CPS1: variants seen among roughly 807,000 people sequenced by gnomAD.
CPS1 encodes the protein carbamoyl-phosphate synthase 1.
A neutral mutation model predicts 174.6 loss-of-function variants in CPS1; 109 were observed. The ratio of observed to expected loss-of-function variants is 0.62; its 90% CI spans 0.53 to 0.73. The LOEUF (loss-of-function observed/expected upper bound fraction) is 0.73. Among genes scored for constraint, CPS1 ranks in the 30% least tolerant of loss-of-function variants. The probability of loss-of-function intolerance (pLI) is 0.00; values close to 1 mark genes in which losing one functional copy is unlikely to be tolerated. For missense variants in CPS1, 1,689 were observed against 1,821.9 expected (o/e 0.93, Z 1.33); for synonymous variants, 637 against 632.0 (o/e 1.01, Z -0.12).
chr2:210,648,196 G>A, intron 26 of CPS1, 139 bp downstream of exon 26: 1 of 834,590 alleles, frequency 1.2e-6, no homozygotes, highest in South Asian at 1.7e-5. Flanking sequence ...TAAAGTTGTT[G>A]TATATCCATG....
intron 20 of CPS1, among the ~76,000 whole-genome samples, chr2:210,615,953 G>A (rs1007956077): frequency 6.6e-6 from 1 of 152,010 alleles, no homozygotes; most frequent in Non-Finnish European, 1.5e-5. Context: ...ACTATTGTAT[G>A]TTTGTGTGAA....
At chr2:210,501,527 A>T (rs939333383) in intron 1 of CPS1, among the ~76,000 whole-genome samples, 1 of 152,134 alleles carries the variant, frequency 6.6e-6, no homozygotes, top group African/African-American at 2.4e-5. Flanking sequence ...CTTCCACCAG[A>T]TACCCTAAAT....
intron 3 of CPS1, among the ~76,000 whole-genome samples, 188 bp downstream of exon 3, chr2:210,576,678 C>T (rs991436824): frequency 2.6e-5 from 4 of 152,134 alleles, no homozygotes; most frequent in South Asian, 4.1e-4. Flanking sequence ...AGTTTCATTT[C>T]TCAGGGCACT....
chr2:210,534,376 A>C (rs768770563), intron 1 of CPS1, among the ~76,000 whole-genome samples: 3 of 152,128 alleles, frequency 2.0e-5, no homozygotes, highest in African/African-American at 7.2e-5. Flanking sequence ...GCTTAATGCA[A>C]ACTTACTCTG....
intron 29 of CPS1, 43 bp downstream of exon 29, chr2:210,654,145 C>A: frequency 6.5e-7 from 1 of 1,546,690 alleles, no homozygotes; most frequent in South Asian, 1.1e-5. Flanking sequence ...GCCTTCTCAT[C>A]ATTTTTTTCT....
At chr2:210,638,024 A>G (rs1401822923) in intron 22 of CPS1, among the ~76,000 whole-genome samples, 181 bp downstream of exon 22, 1 of 152,254 alleles carries the variant, frequency 6.6e-6, no homozygotes, top group African/African-American at 2.4e-5. Context: ...ATTTTTACTT[A>G]AAAGGGAAAG....
chr2:210,605,764 A>G (rs1676976484), intron 17 of CPS1, among the ~76,000 whole-genome samples: 2 of 151,928 alleles, frequency 1.3e-5, no homozygotes, highest in Admixed American at 6.6e-5. Context: ...TAAAATAGAA[A>G]TAAATAAGTT....
chr2:210,616,028 A>G (rs1195961329), intron 20 of CPS1, among the ~76,000 whole-genome samples: 2 of 152,058 alleles, frequency 1.3e-5, no homozygotes, highest in Non-Finnish European at 2.9e-5. Context: ...ACAAGTTAAG[A>G]GATCATTATA....
chr2:210,529,123 A>C (rs969793738), intron 1 of CPS1, among the ~76,000 whole-genome samples: 1 of 151,922 alleles, frequency 6.6e-6, no homozygotes, highest in Non-Finnish European at 1.5e-5. Context: ...TAGGATAATC[A>C]TGAGAAAGAA....
intron 32 of CPS1, 82 bp downstream of exon 32, chr2:210,660,737 C>T: frequency 1.5e-6 from 2 of 1,315,826 alleles, no homozygotes; most frequent in South Asian, 1.2e-5. Context: ...AATCTTGTTA[C>T]TTTTAAAACC....
At chr2:210,638,526 T>A (rs116017558) in intron 22 of CPS1, among the ~76,000 whole-genome samples, 1,601 of 152,312 alleles carry the variant, frequency 0.011, 21 homozygotes, top group African/African-American at 0.037. Context: ...CTCAAGCTTT[T>A]TGCTAAATAT....
At chr2:210,658,133 C>T in intron 30 of CPS1, 1 of 199,362 alleles carries the variant, frequency 5.0e-6, no homozygotes, top group Non-Finnish European at 1.0e-5. Flanking sequence ...AATATCTAAC[C>T]TTGTAGAGTC....
At chr2:210,493,206 C>G (rs952513122) in intron 1 of CPS1, among the ~76,000 whole-genome samples, 1 of 152,086 alleles carries the variant, frequency 6.6e-6, no homozygotes, top group African/African-American at 2.4e-5. Flanking sequence ...GTGAAGAAGT[C>G]TTCTGTTGGG....
intron 18 of CPS1, among the ~76,000 whole-genome samples, chr2:210,607,763 A>G (rs971299655): frequency 1.3e-5 from 2 of 151,824 alleles, no homozygotes. Flanking sequence ...TTTTAATTCT[A>G]TAGTTCTATG....
chr2:210,550,980 A>T (rs1287491241), intron 1 of CPS1, among the ~76,000 whole-genome samples: 2 of 151,852 alleles, frequency 1.3e-5, no homozygotes, highest in Non-Finnish European at 2.9e-5. Flanking sequence ...CTTTTCTTAA[A>T]TTCCACTCTA....
chr2:210,637,431 C>T (rs1321868624), intron 21 of CPS1, among the ~76,000 whole-genome samples: 3 of 152,064 alleles, frequency 2.0e-5, no homozygotes, highest in Non-Finnish European at 4.4e-5. Context: ...ACAGTAAATG[C>T]ACTTGCCATT....
At chr2:210,672,274 T>G (rs1161356133) in intron 34 of CPS1, 1 of 152,178 alleles carries the variant, frequency 6.6e-6, no homozygotes, top group Admixed American at 6.6e-5. Context: ...TATCAGGGAA[T>G]TTTTGCTAGG....
intron 8 of CPS1, 92 bp downstream of exon 8, chr2:210,590,326 CA>C (rs1698252169): frequency 1.3e-6 from 2 of 1,580,986 alleles, no homozygotes; most frequent in East Asian, 4.5e-5. Context: ...TTTATTTATT[CA>C]GGCATTTTTC....
At chr2:210,593,702 T>G in intron 11 of CPS1, 2 of 949,298 alleles carry the variant, frequency 2.1e-6, no homozygotes, top group Non-Finnish European at 2.5e-6. Context: ...ATAAGAGCTT[T>G]CTTTCTGCAA....
Sources: gnomAD v4.1 joint callset for allele counts (sites outside exome capture counted in the v4.1 genomes callset) on GRCh38, gnomAD v4.1.1 for gene constraint, MANE v1.5 for transcripts, NCBI Gene and HGNC (gene_info 2026-07-23, HGNC 2026-07-21) for gene names.